CFAP161: variants seen among roughly 807,000 people sequenced by gnomAD.
CFAP161 encodes the protein cilia and flagella associated protein 161.
Under a neutral mutation model 29.0 loss-of-function variants are expected in CFAP161, and 25 were observed. The observed-to-expected ratio is 0.86, with a 90% CI of 0.63 to 1.20. The LOEUF is 1.20. Ranked by LOEUF, CFAP161 falls within the 50% of genes most tolerant of loss-of-function variation. CFAP161 has a pLI of 0.00. For missense variants in CFAP161, 367 were observed against 371.9 expected (o/e 0.99, Z 0.11); for synonymous variants, 116 against 137.4 (o/e 0.84, Z 1.09).
At chr15:81,122,027 C>T (rs1894580230) in intron 1 of CFAP161, among the ~76,000 whole-genome samples, 1 of 152,236 alleles carries the variant, frequency 6.6e-6, no homozygotes, top group African/African-American at 2.4e-5. Context: ...CCACCCATGT[C>T]CCTGCAGAGG....
At chr15:81,137,313 G>C (rs1894827770) in intron 3 of CFAP161, among the ~76,000 whole-genome samples, 1 of 152,196 alleles carries the variant, frequency 6.6e-6, no homozygotes, top group Admixed American at 6.5e-5. Context: ...TATGGACCCA[G>C]GCAAGGTACA....
intron 1 of CFAP161, among the ~76,000 whole-genome samples, chr15:81,134,916 A>T (rs543973499): frequency 2.0e-5 from 3 of 152,318 alleles, no homozygotes; most frequent in African/African-American, 7.2e-5. Context: ...AGCCATTCGT[A>T]TACGGGTCAG....
At chr15:81,117,749 A>T in intron 1 of CFAP161, 1 of 294,532 alleles carries the variant, frequency 3.4e-6, no homozygotes, top group South Asian at 3.9e-5. Flanking sequence ...TCAAGTCCAA[A>T]TTCTTCTTCC....
intron 3 of CFAP161, among the ~76,000 whole-genome samples, chr15:81,137,575 G>T (rs2460854): frequency 0.59 from 89,667 of 151,782 alleles, 27,465 homozygotes; most frequent in Non-Finnish European, 0.68. Context: ...CAGCCTGGGG[G>T]AAAAAAAAGA....
At chr15:81,139,008 C>T (rs778595110) in intron 4 of CFAP161, among the ~76,000 whole-genome samples, 4 of 152,052 alleles carry the variant, frequency 2.6e-5, no homozygotes, top group Admixed American at 1.3e-4. Flanking sequence ...ACTAAGAAAA[C>T]ACAATGCTGC....
chr15:81,109,381 C>A (rs950432631), intron 1 of CFAP161, among the ~76,000 whole-genome samples: 1 of 152,216 alleles, frequency 6.6e-6, no homozygotes, highest in African/African-American at 2.4e-5. Flanking sequence ...CTTAATCCCC[C>A]TTGTTTAAAA....
chr15:81,148,218 T>G, intron 6 of CFAP161, 120 bp from the exon 7 acceptor site: 6 of 1,016,294 alleles, frequency 5.9e-6, no homozygotes, highest in Non-Finnish European at 8.7e-6. Context: ...TTTTAGAGAT[T>G]CCCTAGGGCT....
chr15:81,128,066 A>G (rs115899708), intron 2 of CFAP161, among the ~76,000 whole-genome samples: 1,603 of 152,348 alleles, frequency 0.011, 27 homozygotes, highest in African/African-American at 0.037. Flanking sequence ...ATGGCCTTGT[A>G]GAAGTATTTT....
At chr15:81,121,479 T>C (rs1007665568) in intron 1 of CFAP161, among the ~76,000 whole-genome samples, 2 of 151,442 alleles carry the variant, frequency 1.3e-5, no homozygotes, top group Admixed American at 1.3e-4. Context: ...AGAGAGCATA[T>C]TTGTATACTT....
upstream of CFAP161, among the ~76,000 whole-genome samples, chr15:81,129,290 C>A (rs1894679664): frequency 6.6e-6 from 1 of 152,004 alleles, no homozygotes; most frequent in African/African-American, 2.4e-5. Context: ...CTTAAGGGAC[C>A]TAGTGTATTA....
At chr15:81,112,804 G>T (rs1248385888) in intron 1 of CFAP161, among the ~76,000 whole-genome samples, 1 of 152,048 alleles carries the variant, frequency 6.6e-6, no homozygotes, top group African/African-American at 2.4e-5. Context: ...TCATAAAAAA[G>T]AAAACAATAG....
chr15:81,119,899 A>T (rs1462908750), intron 1 of CFAP161, among the ~76,000 whole-genome samples: 1 of 98,954 alleles, frequency 1.0e-5, no homozygotes, highest in Admixed American at 9.4e-5. Context: ...TTAAAAAAAA[A>T]TTAAAAAAAT....
At position 81,134,442 on chromosome 15, in the gene CFAP161, C is replaced by G. The variant is rs1395065619; in HGVS notation, c.69+44C>G. ...GGCGCAGACCCGCAGCTCAGGAACTCCCAGACCCTGCTCTAAGTTCAGTCT... is the reference window on the plus strand; with the variant it reads ...GGCGCAGACCCGCAGCTCAGGAACTGCCAGACCCTGCTCTAAGTTCAGTCT... On this transcript the variant is annotated intron_variant, in intron 1 of 6. Transcript: ENST00000286732. 3.9e-6 allele frequency: 6 copies of G among 1,548,822 alleles called. No individual in the cohort carries two copies. In the Admixed American group the frequency reaches 1.2e-4, roughly 30 times the overall value.
At chr15:81,125,984 C>G (rs531774388) in intron 1 of CFAP161, among the ~76,000 whole-genome samples, 2 of 152,236 alleles carry the variant, frequency 1.3e-5, no homozygotes, top group East Asian at 3.9e-4. Flanking sequence ...ATTCTCTTGC[C>G]TCAGCCTCTG....
At chr15:81,119,385 A>G (rs1036260589) in intron 1 of CFAP161, among the ~76,000 whole-genome samples, 1 of 152,182 alleles carries the variant, frequency 6.6e-6, no homozygotes, top group African/African-American at 2.4e-5. Flanking sequence ...ATTTTATATT[A>G]TCGTTAGAAT....
chr15:81,149,165 A>G lies in CFAP161; in HGVS notation c.*632A>G, dbSNP rs1221273493. ...AGATAGTTCCTGACAAAATAAATGT[A>G]TGTCCTTCCATGTATTTGTTCATCT... On this transcript the variant is annotated 3_prime_UTR_variant, in exon 7 of 7. Coordinates refer to ENST00000286732, the MANE Select transcript of CFAP161 (RefSeq NM_173528.4). The G allele has an allele frequency of 6.6e-6, 1 of 152,240 alleles. No individual in the cohort carries two copies. Among genetic ancestry groups the G allele is most frequent in the Non-Finnish European group, 1.5e-5 (1 of 68,038 alleles). 9.4% of individuals were successfully genotyped at this position (152,240 alleles called of 1,614,324 possible).
At chr15:81,114,444 G>A (rs1031738707) in intron 1 of CFAP161, among the ~76,000 whole-genome samples, 1 of 152,216 alleles carries the variant, frequency 6.6e-6, no homozygotes, top group Admixed American at 6.5e-5. Flanking sequence ...ACTGTTGAGG[G>A]TGGGGGTTGA....
intron 1 of CFAP161, among the ~76,000 whole-genome samples, chr15:81,111,544 C>G (rs1168715769): frequency 6.6e-6 from 1 of 152,214 alleles, no homozygotes; most frequent in African/African-American, 2.4e-5. Flanking sequence ...CTTCCGAAAG[C>G]TCTACTCTCT....
chr15:81,101,198 A>AAGCC (rs919105983), intron 1 of CFAP161, among the ~76,000 whole-genome samples: 1 of 152,154 alleles, frequency 6.6e-6, no homozygotes, highest in African/African-American at 2.4e-5. Flanking sequence ...AGAGGCCTAG[A>AAGCC]AGCCCCTCTT....
Sources: allele counts gnomAD v4.1 joint callset (sites outside exome capture counted in the v4.1 genomes callset), GRCh38; gene constraint gnomAD v4.1.1; transcripts MANE v1.5; gene names NCBI Gene and HGNC (gene_info 2026-07-23, HGNC 2026-07-21).